Variants in NHEJ1 observed in about 807,000 individuals in gnomAD.
The protein encoded by NHEJ1 is non-homologous end joining factor 1.
NHEJ1 carries 22 observed loss-of-function variants against 39.4 expected under a neutral mutation model. The ratio of observed to expected loss-of-function variants is 0.56; its 90% CI spans 0.40 to 0.80. NHEJ1 has a LOEUF of 0.80. NHEJ1 is among the 30% of genes least tolerant of loss of function. NHEJ1 has a pLI of 0.00. For missense variants in NHEJ1, 329 were observed against 357.1 expected (o/e 0.92, Z 0.63); for synonymous variants, 154 against 135.6 (o/e 1.14, Z -0.94).
chr2:219,076,014 G>A lies in NHEJ1; in HGVS notation c.*367C>T, dbSNP rs1949009542. Reference sequence around the variant, plus strand: ...TATTCCATGCAAAAGAGAGAAGTGGGTCTCTGAGGAGTATCTGGGGCTGGC... The same window carrying A: ...TATTCCATGCAAAAGAGAGAAGTGGATCTCTGAGGAGTATCTGGGGCTGGC... On this transcript the variant is annotated 3_prime_UTR_variant, in exon 8 of 8. Coordinates refer to ENST00000356853, the MANE Select transcript of NHEJ1 (RefSeq NM_024782.3). The A allele has an allele frequency of 2.4e-6, 1 of 411,526 alleles. No individual in the cohort carries two copies. Among genetic ancestry groups the A allele is most frequent in the Non-Finnish European group, 4.4e-6 (1 of 229,840 alleles). 25.5% of individuals were successfully genotyped at this position (411,526 alleles called of 1,614,324 possible).
rs571391861 is a variant in NHEJ1, at chr2:219,074,862, G to C, written c.*1519C>G. On this transcript the variant is annotated 3_prime_UTR_variant, in exon 8 of 8. Coordinates refer to ENST00000356853, the MANE Select transcript of NHEJ1 (RefSeq NM_024782.3). Reference sequence around the variant, plus strand: ...AGCACACTCTAGGGTCCTGTGGTCTGGGGGTAAAGAAAAGTTATCAGCAGT... The same window carrying C: ...AGCACACTCTAGGGTCCTGTGGTCTCGGGGTAAAGAAAAGTTATCAGCAGT... Among the ~76,000 whole-genome samples the C allele has an allele frequency of 2.8e-4, 42 of 152,110 alleles. 1 individual carries two copies. Among genetic ancestry groups the C allele is most frequent in the Non-Finnish European group, 5.9e-4 (40 of 68,012 alleles).
chr2:219,076,562 T>C (rs1949016387), intron 7 of NHEJ1, 107 bp from the exon 8 acceptor site: 3 of 756,298 alleles, frequency 4.0e-6, no homozygotes, highest in Non-Finnish European at 6.0e-6. Context: ...GAGGCCTTTT[T>C]TTTTTTTTTT....
intron 5 of NHEJ1, among the ~76,000 whole-genome samples, chr2:219,127,773 T>G (rs1394737162): frequency 6.6e-6 from 1 of 152,276 alleles, no homozygotes; most frequent in Non-Finnish European, 1.5e-5. Context: ...TTCCTTTTCT[T>G]TCTTCCTTAT....
chr2:219,082,005 A>G (rs1413661146), intron 5 of NHEJ1, among the ~76,000 whole-genome samples: 2 of 152,230 alleles, frequency 1.3e-5, no homozygotes, highest in African/African-American at 4.8e-5. Flanking sequence ...TTTGTTTCAT[A>G]AAGTGGCTTT....
intron 5 of NHEJ1, among the ~76,000 whole-genome samples, chr2:219,127,321 G>T (rs1045936935): frequency 6.6e-6 from 1 of 152,078 alleles, no homozygotes; most frequent in Non-Finnish European, 1.5e-5. Flanking sequence ...AGTCCTTTAA[G>T]TGCTTAGCTT....
chr2:219,148,067 C>T (rs1413953999), intron 3 of NHEJ1, among the ~76,000 whole-genome samples: 6 of 152,160 alleles, frequency 3.9e-5, no homozygotes, highest in Admixed American at 2.0e-4. Context: ...GACACAAGCA[C>T]GGCCAACATG....
chr2:219,117,184 C>T (rs999629725), intron 5 of NHEJ1, among the ~76,000 whole-genome samples: 2 of 152,170 alleles, frequency 1.3e-5, no homozygotes, highest in African/African-American at 4.8e-5. Context: ...GCTACTGGCT[C>T]GACCTGGCCT....
chr2:219,090,209 T>C (rs1949148479), intron 5 of NHEJ1, among the ~76,000 whole-genome samples: 1 of 152,204 alleles, frequency 6.6e-6, no homozygotes, highest in Admixed American at 6.5e-5. Context: ...TGAAGGCAAC[T>C]GGGAAAATCA....
intron 5 of NHEJ1, among the ~76,000 whole-genome samples, chr2:219,109,415 G>A (rs978646269): frequency 3.9e-5 from 6 of 152,224 alleles, no homozygotes; most frequent in Admixed American, 2.0e-4. Context: ...CCCCATGGCA[G>A]TAACCTTTAA....
At chr2:219,151,982 A>G (rs1448349981) in intron 3 of NHEJ1, among the ~76,000 whole-genome samples, 1 of 152,092 alleles carries the variant, frequency 6.6e-6, no homozygotes, top group Non-Finnish European at 1.5e-5. Flanking sequence ...AACAATAATA[A>G]TAATAATAAT....
In NHEJ1 at chr2:219,074,402, TG is replaced by T. The variant is rs1486659208; in HGVS notation, c.*1978del. Reference sequence around the variant, plus strand: ...GCAGGGGAAGCCTTTCCATTTTCCATGTGCCTTGTAGATACTGAAATCTGAC... The same window carrying T: ...GCAGGGGAAGCCTTTCCATTTTCCATTGCCTTGTAGATACTGAAATCTGAC... On this transcript the variant is annotated 3_prime_UTR_variant, in exon 8 of 8. Transcript: ENST00000356853. Among the ~76,000 whole-genome samples, 1 of 152,214 alleles carries T rather than the reference TG, an allele frequency of 6.6e-6. No homozygotes were observed. Among genetic ancestry groups the T allele is most frequent in the Non-Finnish European group, 1.5e-5 (1 of 68,034 alleles).
In NHEJ1 at chr2:219,111,316, G is replaced by C. The variant is rs1949363425; in HGVS notation, c.589-33110C>G. On this transcript the variant is annotated intron_variant, in intron 5 of 7. Coordinates refer to ENST00000356853, the MANE Select transcript of NHEJ1 (RefSeq NM_024782.3). This position sits in a 1 kb window ranked among gnomAD's most constrained non-coding sequence, Gnocchi z 4.1. ...ATTAGAACCCAGGTTTCTTGGATAA[G>C]GGGTTAACACTCCTTAAAAAGCAAA... 6.6e-6 allele frequency among the ~76,000 whole-genome samples: 1 copy of C among 152,150 alleles called. No homozygotes were observed. The highest frequency in any genetic ancestry group is 2.1e-4 in the South Asian group (1 of 4,830).
rs2106318712 is a variant in NHEJ1, at chr2:219,076,153, C to T, written c.*228G>A. ...GTAGAAACCTGAACCTACAGAACCT[C>T]CACCAAAAGAGAGGAGAGCACGGGA... On this transcript the variant is annotated 3_prime_UTR_variant, in exon 8 of 8. Transcript: ENST00000356853. 2.2e-6 allele frequency: 2 copies of T among 929,510 alleles called. No individual in the cohort carries two copies. The highest frequency in any genetic ancestry group is 1.8e-5 in the South Asian group (1 of 56,266). 57.6% of individuals were successfully genotyped at this position (929,510 alleles called of 1,614,324 possible).
chr2:219,128,717 A>AC (rs957922966), intron 5 of NHEJ1, among the ~76,000 whole-genome samples: 16 of 151,990 alleles, frequency 1.1e-4, no homozygotes, highest in African/African-American at 3.9e-4. Flanking sequence ...AAGCCCAACC[A>AC]CCCCTGACAC....
At chr2:219,129,171 G>C (rs1270404306) in intron 5 of NHEJ1, among the ~76,000 whole-genome samples, 1 of 152,190 alleles carries the variant, frequency 6.6e-6, no homozygotes, top group Non-Finnish European at 1.5e-5. Context: ...GATTGCATTA[G>C]ATCCTCAACT....
intron 5 of NHEJ1, among the ~76,000 whole-genome samples, chr2:219,123,052 T>C (rs1949486052): frequency 1.3e-5 from 2 of 152,132 alleles, no homozygotes; most frequent in African/African-American, 4.8e-5. Flanking sequence ...CAGGCAGGAA[T>C]CCCCAATTCT....
chr2:219,159,534 T>C (rs1263887388), intron 1 of NHEJ1, among the ~76,000 whole-genome samples: 1 of 91,172 alleles, frequency 1.1e-5, no homozygotes, highest in Non-Finnish European at 2.0e-5. Flanking sequence ...TGCATATATA[T>C]ATGCATATAT....
chr2:219,128,673 C>G (rs1324965494), intron 5 of NHEJ1, among the ~76,000 whole-genome samples: 2 of 152,202 alleles, frequency 1.3e-5, no homozygotes, highest in African/African-American at 2.4e-5. Flanking sequence ...TGCAAGAAGC[C>G]TCTCCTTGAC....
At chr2:219,098,358 A>G (rs1322106105) in intron 5 of NHEJ1, among the ~76,000 whole-genome samples, 1 of 152,238 alleles carries the variant, frequency 6.6e-6, no homozygotes, top group Non-Finnish European at 1.5e-5. Context: ...GAATACTAAT[A>G]TAACAATCTT....
Sources: allele counts gnomAD v4.1 joint callset (sites outside exome capture counted in the v4.1 genomes callset), GRCh38; gene constraint gnomAD v4.1.1; non-coding constraint Gnocchi (gnomAD v3.1); transcripts MANE v1.5; gene names NCBI Gene and HGNC (gene_info 2026-07-23, HGNC 2026-07-21).